STK39: variants seen among roughly 807,000 people sequenced by gnomAD.
STK39 encodes STE20/SPS1-related proline-alanine-rich protein kinase.
In STK39, 20 loss-of-function variants were observed where a neutral mutation model predicts 77.8. The ratio of observed to expected loss-of-function variants is 0.26; its 90% CI spans 0.18 to 0.37. STK39 has a LOEUF of 0.37. STK39 is among the 10% of genes least tolerant of loss of function. STK39 has a pLI of 1.00. For missense variants in STK39, 479 were observed against 656.5 expected (o/e 0.73, Z 2.95); for synonymous variants, 246 against 234.1 (o/e 1.05, Z -0.47).
chr2:168,044,056 T>C (rs1233765842), intron 14 of STK39, among the ~76,000 whole-genome samples: 1 of 152,234 alleles, frequency 6.6e-6, no homozygotes, highest in Non-Finnish European at 1.5e-5. Context: ...GGAGGTTGTG[T>C]GAAAGCCCTT....
intron 10 of STK39, among the ~76,000 whole-genome samples, chr2:168,101,297 T>G (rs971650243): frequency 6.6e-6 from 1 of 152,134 alleles, no homozygotes; most frequent in Non-Finnish European, 1.5e-5. Context: ...ATGGCACATG[T>G]ATACCTATGT....
At chr2:168,222,389 T>A (rs976744656) in intron 1 of STK39, among the ~76,000 whole-genome samples, 1 of 152,204 alleles carries the variant, frequency 6.6e-6, no homozygotes, top group Non-Finnish European at 1.5e-5. Context: ...TTTTAGGTAC[T>A]TTGCGTGATG....
In STK39 at chr2:168,221,744, G is replaced by GT. The variant is rs58857333; in HGVS notation, c.208+25483dup. Reference sequence around the variant, plus strand: ...TTTCCAAGTTCCTCAAGGTCAGACCGTAAAGGGCACTTCTTCTTTGGATCA... The same window carrying GT: ...TTTCCAAGTTCCTCAAGGTCAGACCGTTAAAGGGCACTTCTTCTTTGGATCA... On this transcript the variant is annotated intron_variant, in intron 1 of 17. Coordinates refer to ENST00000355999, the MANE Select transcript of STK39 (RefSeq NM_013233.3). Among the ~76,000 whole-genome samples, 258 of 152,208 alleles carry GT rather than the reference G, an allele frequency of 1.7e-3. 1 individual carries two copies. The highest frequency in any genetic ancestry group is 6.8e-3 in the Middle Eastern group (2 of 294).
chr2:168,167,521 G>A, intron 2 of STK39, 114 bp from the exon 3 acceptor site: 2 of 823,354 alleles, frequency 2.4e-6, no homozygotes, highest in Admixed American at 2.2e-5. Context: ...GCCTACCTGA[G>A]GGGCTGCCTA....
Position 167,954,501 on chromosome 2 carries a change from T to C in STK39, c.*995A>G, listed in dbSNP as rs1574340422. ...TTCTGATATTTTCAAGTTTATCACCTTTAGAATAACAAATCCTATCACTTA... is the reference window on the plus strand; with the variant it reads ...TTCTGATATTTTCAAGTTTATCACCCTTAGAATAACAAATCCTATCACTTA... On this transcript the variant is annotated 3_prime_UTR_variant, in exon 18 of 18. Coordinates refer to ENST00000355999, the MANE Select transcript of STK39 (RefSeq NM_013233.3). 1 of 152,622 alleles carries C rather than the reference T, an allele frequency of 6.6e-6. No individual in the cohort carries two copies. The highest frequency in any genetic ancestry group is 1.5e-5 in the Non-Finnish European group (1 of 68,032). 9.5% of individuals were successfully genotyped at this position (152,622 alleles called of 1,614,324 possible).
At chr2:168,100,901 T>A (rs959498481) in intron 10 of STK39, among the ~76,000 whole-genome samples, 4 of 152,164 alleles carry the variant, frequency 2.6e-5, no homozygotes, top group African/African-American at 9.7e-5. Flanking sequence ...TAAAGACACA[T>A]GCACATGTAT....
chr2:167,962,064 T>A (rs1022346203), intron 17 of STK39, among the ~76,000 whole-genome samples: 1 of 152,148 alleles, frequency 6.6e-6, no homozygotes. Flanking sequence ...GTGAAACCAC[T>A]GTGCAGGGAG....
chr2:168,135,025 C>T (rs1460739895), intron 8 of STK39, among the ~76,000 whole-genome samples: 2 of 152,158 alleles, frequency 1.3e-5, no homozygotes, highest in African/African-American at 2.4e-5. Flanking sequence ...CCCCAAATTG[C>T]AAGCTCCCAA....
Position 168,189,676 on chromosome 2 carries a change from C to T in STK39, c.209-7586G>A, listed in dbSNP as rs1292951934. Among the ~76,000 whole-genome samples, 6 of 152,128 alleles carry T rather than the reference C, an allele frequency of 3.9e-5. No homozygotes were observed. In the East Asian group the frequency reaches 1.2e-3, roughly 29 times the overall value. On this transcript the variant is annotated intron_variant, in intron 1 of 17. Coordinates refer to ENST00000355999, the MANE Select transcript of STK39 (RefSeq NM_013233.3). ...ATTAATATTGGAATTTACTTCTAGG[C>T]ATTTTTGTTTTCTTAATGAAACACA...
chr2:168,120,312 T>C (rs1263856670), intron 10 of STK39, among the ~76,000 whole-genome samples: 1 of 152,242 alleles, frequency 6.6e-6, no homozygotes, highest in Non-Finnish European at 1.5e-5. Flanking sequence ...TTTTTCTCTC[T>C]TCCCCCTTCA....
intron 14 of STK39, among the ~76,000 whole-genome samples, chr2:168,055,213 T>C (rs1685492874): frequency 6.6e-6 from 1 of 152,224 alleles, no homozygotes; most frequent in Non-Finnish European, 1.5e-5. Flanking sequence ...AATAACCCTA[T>C]TTTATAGGCT....
intron 8 of STK39, among the ~76,000 whole-genome samples, 194 bp downstream of exon 8, chr2:168,137,894 G>A (rs984319851): frequency 3.3e-5 from 5 of 152,102 alleles, no homozygotes; most frequent in South Asian, 4.1e-4. Flanking sequence ...CCTCTCCTTC[G>A]TTCTTCACCC....
At chr2:168,061,220 G>A (rs1306870540) in intron 14 of STK39, among the ~76,000 whole-genome samples, 1 of 149,400 alleles carries the variant, frequency 6.7e-6, no homozygotes, top group African/African-American at 2.5e-5. Flanking sequence ...GCTGATTTAG[G>A]AGAAATATAG....
intron 14 of STK39, among the ~76,000 whole-genome samples, chr2:168,024,953 C>T (rs547293030): frequency 2.0e-5 from 3 of 152,296 alleles, no homozygotes; most frequent in Admixed American, 6.5e-5. Context: ...ATCCCTTACC[C>T]GCCTACTGGG....
chr2:168,182,052 T>C lies in STK39; in HGVS notation c.247A>G (p.Lys83Glu), dbSNP rs1450758561. 5 of 1,614,068 alleles carry C rather than the reference T, an allele frequency of 3.1e-6. No homozygotes were observed. Among genetic ancestry groups the C allele is most frequent in the Non-Finnish European group, 4.2e-6 (5 of 1,179,944 alleles). The change falls in exon 2 of 18, where the codon AAA becomes GAA. Residue 83 changes from lysine (K) to glutamate (E), a missense_variant. Physicochemically the swap from Lys to Glu is moderately conservative, Grantham distance 56. Coordinates refer to ENST00000355999, the MANE Select transcript of STK39 (RefSeq NM_013233.3). ...ATAVVQAALC[K>E]PRQERVAIKR... ...ATTGCTACACGTTCTTGCCTGGGTTTGCATAGGGCTGCCTGAACCACAGCA... is the reference window on the plus strand; with the variant it reads ...ATTGCTACACGTTCTTGCCTGGGTTCGCATAGGGCTGCCTGAACCACAGCA...
intron 1 of STK39, among the ~76,000 whole-genome samples, chr2:168,231,495 C>T (rs529889245): frequency 6.6e-6 from 1 of 152,018 alleles, no homozygotes; most frequent in Non-Finnish European, 1.5e-5. Flanking sequence ...TCCCACCACA[C>T]ACCGAAGGTT....
At chr2:168,109,971 T>C (rs1429567365) in intron 10 of STK39, among the ~76,000 whole-genome samples, 1 of 152,206 alleles carries the variant, frequency 6.6e-6, no homozygotes, top group Non-Finnish European at 1.5e-5. Context: ...AAAATGTCTT[T>C]TCCCAGTTTG....
chr2:168,119,977 T>A (rs1687363083), intron 10 of STK39, among the ~76,000 whole-genome samples: 1 of 152,176 alleles, frequency 6.6e-6, no homozygotes, highest in Non-Finnish European at 1.5e-5. Context: ...AGGCTCGACC[T>A]CCTTAGGCCT....
chr2:168,064,293 T>C (rs1030540956), intron 13 of STK39, among the ~76,000 whole-genome samples: 2 of 152,202 alleles, frequency 1.3e-5, no homozygotes, highest in African/African-American at 4.8e-5. Context: ...CCCGTTTCCT[T>C]TACTCTCTTT....
Sources: allele counts gnomAD v4.1 joint callset (sites outside exome capture counted in the v4.1 genomes callset), GRCh38; gene constraint gnomAD v4.1.1; transcripts MANE v1.5; gene names NCBI Gene and HGNC (gene_info 2026-07-23, HGNC 2026-07-21).